The following CLMN variants were observed in gnomAD, a reference collection of about 807,000 sequenced individuals.
CLMN encodes calmin (calponin-like, transmembrane).
In CLMN, 57 loss-of-function variants were observed where a neutral mutation model predicts 92.7. The ratio of observed to expected loss-of-function variants is 0.61; its 90% confidence interval spans 0.50 to 0.77. The LOEUF is 0.77. CLMN is among the 30% of genes least tolerant of loss of function. CLMN has a pLI of 0.00. For missense variants in CLMN, 1,158 were observed against 1,237.5 expected (o/e 0.94, Z 0.96); for synonymous variants, 466 against 470.6 (o/e 0.99, Z 0.13).
intron 1 of CLMN, among the ~76,000 whole-genome samples, chr14:95,252,895 G>A (rs181194526): frequency 1.1e-4 from 17 of 152,290 alleles, no homozygotes; most frequent in African/African-American, 3.8e-4. Context: ...AACCCTTCCA[G>A]TCTTGCCCTA....
chr14:95,245,235 AT>A (rs1566891189), intron 1 of CLMN, among the ~76,000 whole-genome samples: 694 of 40,406 alleles, frequency 0.017, 93 homozygotes, highest in African/African-American at 0.084. Context: ...TTATATATAT[AT>A]ATTATATATA....
intron 1 of CLMN, among the ~76,000 whole-genome samples, chr14:95,240,641 C>T (rs1199349511): frequency 1.3e-5 from 2 of 152,200 alleles, no homozygotes; most frequent in East Asian, 3.8e-4. Context: ...GTGGTAATTA[C>T]AGCAGCTGCC....
At chr14:95,237,161 T>C (rs542300551) in intron 1 of CLMN, among the ~76,000 whole-genome samples, 1 of 152,370 alleles carries the variant, frequency 6.6e-6, no homozygotes, top group Admixed American at 6.5e-5. Context: ...CAATGAAGCC[T>C]GTGCACGCCA....
intron 4 of CLMN, among the ~76,000 whole-genome samples, chr14:95,220,872 G>T (rs906835814): frequency 3.3e-5 from 5 of 152,224 alleles, no homozygotes; most frequent in African/African-American, 1.2e-4. Flanking sequence ...GTGAGGGCAT[G>T]TCCTGCCGTC....
intron 1 of CLMN, among the ~76,000 whole-genome samples, chr14:95,269,270 T>C (rs111689233): frequency 2.6e-5 from 4 of 152,360 alleles, no homozygotes; most frequent in African/African-American, 9.6e-5. Context: ...TTTATGAGCA[T>C]TACAATAAAA....
Position 95,289,597 on chromosome 14 carries a change from G to A in CLMN, c.82+30114C>T, listed in dbSNP as rs573365178. Among the ~76,000 whole-genome samples the A allele has an allele frequency of 5.3e-5, 8 of 152,186 alleles. No homozygotes were observed. The East Asian group carries it at 7.7e-4, about 15-fold the overall frequency. The stretch of plus-strand genomic sequence containing the variant: ...TTTTTTAAATGCTAAAAGGAGAAAA[G>A]GGTTGATAACAAAGACCTGGGTGTT... On this transcript the variant is annotated intron_variant, in intron 1 of 12. Coordinates refer to ENST00000298912, the MANE Select transcript of CLMN (RefSeq NM_024734.4).
At chr14:95,249,521 G>A (rs1898700091) in intron 1 of CLMN, among the ~76,000 whole-genome samples, 1 of 152,136 alleles carries the variant, frequency 6.6e-6, no homozygotes, top group Non-Finnish European at 1.5e-5. Flanking sequence ...CGAGACAGAT[G>A]CTGCTGGTTG....
intron 1 of CLMN, among the ~76,000 whole-genome samples, chr14:95,234,935 T>C (rs1258920819): frequency 6.6e-6 from 1 of 152,246 alleles, no homozygotes; most frequent in Non-Finnish European, 1.5e-5. Flanking sequence ...CCAAATCTAC[T>C]TTCTACATAT....
At chr14:95,276,767 A>G (rs960701947) in intron 1 of CLMN, among the ~76,000 whole-genome samples, 2 of 152,120 alleles carry the variant, frequency 1.3e-5, no homozygotes, top group Non-Finnish European at 2.9e-5. Flanking sequence ...GGTGAATTTG[A>G]GCCTTGCCAG....
At position 95,193,712 on chromosome 14, in the gene CLMN, A is replaced by C. The variant is rs970211497; in HGVS notation, c.2840+137T>G. On this transcript the variant is annotated intron_variant, in intron 12 of 12. Coordinates refer to ENST00000298912, the MANE Select transcript of CLMN (RefSeq NM_024734.4). ...TTACATCATTTTCTCTGGAATAGTT[A>C]TTTTCTTGCATTATCCCAAATTATT... 5 of 1,067,456 alleles carry C rather than the reference A, an allele frequency of 4.7e-6. No homozygotes were observed. In the Admixed American group the frequency reaches 1.3e-4, roughly 28 times the overall value. The allele number at this position is 1,067,456 out of a possible 1,614,324, so 66.1% of individuals were successfully genotyped here. A position where few individuals can be genotyped will look rare whatever the true frequency, so the allele number is the denominator to read the frequency against.
intron 9 of CLMN, among the ~76,000 whole-genome samples, chr14:95,199,665 A>G (rs1036629940): frequency 6.6e-6 from 1 of 152,206 alleles, no homozygotes; most frequent in African/African-American, 2.4e-5. Flanking sequence ...TCAGGTAAGC[A>G]CTCAAGGAGA....
rs775682907 is a variant in CLMN at position 95,221,696 on chromosome 14, T to C, written c.319A>G (p.Ser107Gly). 2 of 1,613,532 alleles carry C rather than the reference T, an allele frequency of 1.2e-6. No homozygotes were observed. Among genetic ancestry groups the C allele is most frequent in the Admixed American group, 1.7e-5 (1 of 59,944 alleles). ...GATGAGCTTCAAACACTTACATTGC[T>C]ATCTTCCAAAAACTTAAGTGCTTTC... ...IAKALKFLED[S>G]NVKLVSIDAA... The change falls in exon 4 of 13, where the codon AGC (serine) becomes GGC (glycine). Residue 107 changes from serine (S) to glycine (G), a missense_variant. Coordinates refer to ENST00000298912, the MANE Select transcript of CLMN (RefSeq NM_024734.4).
chr14:95,215,553 C>T (rs1046427861), intron 5 of CLMN, 88 bp downstream of exon 5: 134 of 1,093,138 alleles, frequency 1.2e-4, no homozygotes, highest in Non-Finnish European at 1.8e-4. Flanking sequence ...AGCCTCACTG[C>T]CTCCCTTAAT....
At chr14:95,223,689 T>G in intron 3 of CLMN, 71 bp downstream of exon 3, 1 of 1,223,838 alleles carries the variant, frequency 8.2e-7, no homozygotes, top group Non-Finnish European at 1.2e-6. Flanking sequence ...GGTATTTGTG[T>G]TGAAAAGAAA....
chr14:95,314,278 G>A (rs180878256), intron 1 of CLMN, among the ~76,000 whole-genome samples: 6 of 152,254 alleles, frequency 3.9e-5, no homozygotes, highest in South Asian at 2.1e-4. Flanking sequence ...CATTTACCAC[G>A]TGTACTTGTA....
intron 2 of CLMN, among the ~76,000 whole-genome samples, chr14:95,225,260 G>A (rs556662992): frequency 8.6e-5 from 13 of 152,006 alleles, no homozygotes; most frequent in Middle Eastern, 3.4e-3. Context: ...AAGCAAGGCC[G>A]TTAGACACAC....
chr14:95,207,025 G>A (rs927149366), intron 8 of CLMN, among the ~76,000 whole-genome samples: 1 of 151,884 alleles, frequency 6.6e-6, no homozygotes, highest in Non-Finnish European at 1.5e-5. Flanking sequence ...TCCAAAACAG[G>A]CCTCAATGGA....
At chr14:95,299,815 C>A (rs1373394918) in intron 1 of CLMN, among the ~76,000 whole-genome samples, 1 of 152,200 alleles carries the variant, frequency 6.6e-6, no homozygotes, top group Non-Finnish European at 1.5e-5. Flanking sequence ...ACCTTTCCTC[C>A]TCATTTTCAT....
At chr14:95,315,286 C>A (rs1250287354) in intron 1 of CLMN, among the ~76,000 whole-genome samples, 1 of 152,090 alleles carries the variant, frequency 6.6e-6, no homozygotes, top group Non-Finnish European at 1.5e-5. Context: ...CAGCCTTTTT[C>A]TCGTGGTCAC....
Sources: allele counts gnomAD v4.1 joint callset (sites outside exome capture counted in the v4.1 genomes callset), GRCh38; gene constraint gnomAD v4.1.1; transcripts MANE v1.5; gene names NCBI Gene and HGNC (gene_info 2026-07-23, HGNC 2026-07-21).